Variants in NTNG1 observed in about 807,000 individuals in gnomAD.
NTNG1 encodes netrin-G1.
Under a neutral mutation model 54.0 loss-of-function variants are expected in NTNG1, and 16 were observed. The ratio of observed to expected loss-of-function variants is 0.30; its 90% CI spans 0.20 to 0.45. The LOEUF is 0.45. Among genes scored for constraint, NTNG1 ranks in the 20% least tolerant of loss-of-function variants. NTNG1 has a pLI of 1.00. For synonymous variants in NTNG1, 255 were observed against 263.1 expected (o/e 0.97, Z 0.30); for missense variants, 530 against 678.7 (o/e 0.78, Z 2.43).
intron 3 of NTNG1, among the ~76,000 whole-genome samples, chr1:107,389,678 T>C (rs554816063): frequency 9.9e-5 from 15 of 152,252 alleles, no homozygotes; most frequent in Non-Finnish European, 1.9e-4. Context: ...CTGCCATTTA[T>C]CACTTGCACA....
intron 3 of NTNG1, among the ~76,000 whole-genome samples, chr1:107,337,770 C>A (rs920826085): frequency 6.6e-6 from 1 of 151,960 alleles, no homozygotes. Context: ...TAATGTTATT[C>A]TTGGTTTTGA....
At position 107,395,313 on chromosome 1, in the gene NTNG1, C is replaced by A. The variant is rs1418755789; in HGVS notation, c.1047C>A (p.Gly349=). The change falls in exon 4 of 8, where the codon GGC becomes GGA. Residue 349 remains glycine (G), a synonymous_variant. Coordinates refer to ENST00000370068, the MANE Select transcript of NTNG1 (RefSeq NM_001113226.3). The stretch of plus-strand genomic sequence containing the variant: ...GCTCCTATCTCCCCATCCCCAAAGG[C>A]ACTGCAAATACCTGTGAGTAACTTT... ...SPGSYLPIPK[G]TANTCIPSIS... 11 of 1,613,334 alleles carry A rather than the reference C, an allele frequency of 6.8e-6. No individual in the cohort carries two copies. Among genetic ancestry groups the A allele is most frequent in the Non-Finnish European group, 9.3e-6 (11 of 1,179,448 alleles).
At chr1:107,258,745 C>T (rs1663101921) in intron 2 of NTNG1, among the ~76,000 whole-genome samples, 1 of 152,184 alleles carries the variant, frequency 6.6e-6, no homozygotes, top group South Asian at 2.1e-4. Flanking sequence ...CACTGAATGC[C>T]TTTGACAAGG....
chr1:107,228,370 A>G (rs984698437), intron 2 of NTNG1, among the ~76,000 whole-genome samples: 1 of 152,192 alleles, frequency 6.6e-6, no homozygotes, highest in African/African-American at 2.4e-5. Context: ...TGAAGTGTAT[A>G]TATATAATAG....
intron 3 of NTNG1, among the ~76,000 whole-genome samples, chr1:107,346,374 C>G (rs1216179180): frequency 1.3e-5 from 2 of 152,156 alleles, no homozygotes; most frequent in Non-Finnish European, 2.9e-5. Flanking sequence ...AAAGACCATT[C>G]ATTTGATGGC....
intron 2 of NTNG1, among the ~76,000 whole-genome samples, chr1:107,322,545 TA>T (rs1667716250): frequency 6.6e-6 from 1 of 152,206 alleles, no homozygotes; most frequent in East Asian, 1.9e-4. Flanking sequence ...TAGCCCTCCA[TA>T]AAAAGCCTTT....
At chr1:107,434,035 T>A (rs947708153) in intron 6 of NTNG1, among the ~76,000 whole-genome samples, 1 of 152,194 alleles carries the variant, frequency 6.6e-6, no homozygotes, top group Non-Finnish European at 1.5e-5. Flanking sequence ...AATGAAGGGA[T>A]ATTTACCCCA....
chr1:107,163,747 T>A (rs1208290662), intron 2 of NTNG1, among the ~76,000 whole-genome samples: 1 of 152,230 alleles, frequency 6.6e-6, no homozygotes, highest in African/African-American at 2.4e-5. Context: ...TAGAAATGTC[T>A]ACGAACGATG....
chr1:107,438,889 GCCTCAGTTCCAGAA>G (rs1675778386), intron 7 of NTNG1, among the ~76,000 whole-genome samples: 1 of 152,156 alleles, frequency 6.6e-6, no homozygotes, highest in African/African-American at 2.4e-5. Context: ...AACCCTCTGT[GCCTCAGTTCCAGAA>G]CCTCACATAC....
intron 2 of NTNG1, among the ~76,000 whole-genome samples, chr1:107,225,839 C>T (rs988127434): frequency 6.6e-6 from 1 of 151,880 alleles, no homozygotes; most frequent in Non-Finnish European, 1.5e-5. Context: ...TTCATAGAAC[C>T]CTTTCCGGGC....
At chr1:107,320,335 ATTAC>A (rs1667578868) in intron 2 of NTNG1, among the ~76,000 whole-genome samples, 1 of 152,154 alleles carries the variant, frequency 6.6e-6, no homozygotes, top group African/African-American at 2.4e-5. Context: ...CCACAAAATA[ATTAC>A]TTACACTTCC....
intron 6 of NTNG1, among the ~76,000 whole-genome samples, chr1:107,434,493 G>T (rs1351018355): frequency 6.6e-6 from 1 of 152,178 alleles, no homozygotes; most frequent in Non-Finnish European, 1.5e-5. Flanking sequence ...TATATGGTTT[G>T]TGACCCTGAG....
intron 4 of NTNG1, among the ~76,000 whole-genome samples, chr1:107,403,943 T>A (rs1673229210): frequency 6.6e-6 from 1 of 152,024 alleles, no homozygotes; most frequent in African/African-American, 2.4e-5. Flanking sequence ...ACTTATCTAG[T>A]ATCTTTCCTT....
intron 2 of NTNG1, among the ~76,000 whole-genome samples, chr1:107,250,347 G>A (rs1662506477): frequency 6.6e-6 from 1 of 152,134 alleles, no homozygotes; most frequent in Non-Finnish European, 1.5e-5. Context: ...GATACACAAA[G>A]GAAGGCATGG....
chr1:107,264,161 C>T (rs1265473208), intron 2 of NTNG1, among the ~76,000 whole-genome samples: 2 of 152,154 alleles, frequency 1.3e-5, no homozygotes, highest in Admixed American at 1.3e-4. Flanking sequence ...CCCACAAACA[C>T]ACACACGCCC....
intron 7 of NTNG1, among the ~76,000 whole-genome samples, chr1:107,438,488 G>A (rs1319665412): frequency 6.6e-6 from 1 of 152,142 alleles, no homozygotes; most frequent in Non-Finnish European, 1.5e-5. Flanking sequence ...ATCAATCATG[G>A]CACAGCTAGA....
At chr1:107,367,142 G>A (rs1402643340) in intron 3 of NTNG1, among the ~76,000 whole-genome samples, 1 of 151,726 alleles carries the variant, frequency 6.6e-6, no homozygotes, top group Non-Finnish European at 1.5e-5. Context: ...ATGACATCAA[G>A]CCATGTGATA....
chr1:107,200,402 T>TA (rs957672914), intron 2 of NTNG1, among the ~76,000 whole-genome samples: 19 of 151,948 alleles, frequency 1.3e-4, no homozygotes, highest in African/African-American at 4.6e-4. Flanking sequence ...TGGTTGAACT[T>TA]AAACAGTCTG....
At chr1:107,453,967 C>T (rs996271621) in intron 7 of NTNG1, among the ~76,000 whole-genome samples, 1 of 152,090 alleles carries the variant, frequency 6.6e-6, no homozygotes, top group Admixed American at 6.6e-5. Flanking sequence ...CTCCTTGCCC[C>T]ACATGCCACA....
Sources: gnomAD v4.1 joint callset for allele counts (sites outside exome capture counted in the v4.1 genomes callset) on GRCh38, gnomAD v4.1.1 for gene constraint, MANE v1.5 for transcripts, NCBI Gene and HGNC (gene_info 2026-07-23, HGNC 2026-07-21) for gene names.